The following TRPM3 variants were observed in gnomAD, a reference collection of about 807,000 sequenced individuals.
TRPM3 encodes transient receptor potential cation channel subfamily M member 3, also known as long transient receptor potential channel 3.
In TRPM3, 77 loss-of-function variants were observed where a neutral mutation model predicts 181.2. That is an observed-to-expected ratio of 0.42 (90% CI 0.35 to 0.51). The LOEUF (loss-of-function observed/expected upper bound fraction) is 0.51. Among genes scored for constraint, TRPM3 ranks in the 20% least tolerant of loss-of-function variants. The pLI, the probability that TRPM3 is intolerant of heterozygous loss-of-function variation, is 0.01. For missense variants in TRPM3, 1,759 were observed against 2,196.7 expected, an observed-to-expected ratio of 0.80 and a Z score of 3.98; for synonymous variants, 745 against 796.4, an observed-to-expected ratio of 0.94 and a Z score of 1.09.
At chr9:71,202,478 C>G (rs1331393360) in intron 1 of TRPM3, among the ~76,000 whole-genome samples, 2 of 152,120 alleles carry the variant, frequency 1.3e-5, no homozygotes, top group East Asian at 3.9e-4. Flanking sequence ...TTTAACAGGA[C>G]TTTGTTATAG....
chr9:71,287,894 T>A (rs1326439130), intron 1 of TRPM3, among the ~76,000 whole-genome samples: 1 of 152,072 alleles, frequency 6.6e-6, no homozygotes, highest in Non-Finnish European at 1.5e-5. Context: ...GAGGTAGCAA[T>A]TCTTATTAAA....
chr9:70,933,748 C>A (rs182579515), intron 1 of TRPM3, among the ~76,000 whole-genome samples: 30 of 150,210 alleles, frequency 2.0e-4, no homozygotes, highest in Admixed American at 1.7e-3. Context: ...GAAGCTGGAG[C>A]ATACTTAGAT....
At chr9:71,206,288 C>G (rs1587950863) in intron 1 of TRPM3, among the ~76,000 whole-genome samples, 1 of 152,140 alleles carries the variant, frequency 6.6e-6, no homozygotes, top group African/African-American at 2.4e-5. Context: ...GATCGCCGTT[C>G]TAACTGGTGT....
Position 71,304,740 on chromosome 9 carries a change from C to T in TRPM3, c.183+141913G>A, listed in dbSNP as rs74573495. 2.6e-5 allele frequency among the ~76,000 whole-genome samples: 4 copies of T among 152,130 alleles called. No individual in the cohort carries two copies. In the East Asian group the frequency reaches 5.8e-4, roughly 22 times the overall value. On this transcript the variant is annotated intron_variant, in intron 1 of 24. Coordinates refer to the TRPM3 transcript ENST00000357533. The stretch of plus-strand genomic sequence containing the variant: ...TGACCTACAACATTCTCTCTTGAGG[C>T]GCATTTAAATACTACAGGATACAGT...
At chr9:70,629,998 T>A in intron 12 of TRPM3, among the ~76,000 whole-genome samples, 1 of 152,196 alleles carries the variant, frequency 6.6e-6, no homozygotes, top group Admixed American at 6.5e-5. Flanking sequence ...GCAGCCTCAG[T>A]GCATGATACT....
chr9:70,962,809 G>C (rs1375699770), intron 1 of TRPM3, among the ~76,000 whole-genome samples: 1 of 152,108 alleles, frequency 6.6e-6, no homozygotes, highest in Non-Finnish European at 1.5e-5. Context: ...AGAATGGAAA[G>C]AGAAACTGCA....
chr9:70,559,652 C>T (rs753589716), intron 22 of TRPM3, among the ~76,000 whole-genome samples: 7 of 152,258 alleles, frequency 4.6e-5, no homozygotes, highest in Admixed American at 1.3e-4. Context: ...TGAAAGCACA[C>T]CAACCAACTG....
chr9:71,307,794 T>G (rs2087504518), intron 1 of TRPM3, among the ~76,000 whole-genome samples: 1 of 152,186 alleles, frequency 6.6e-6, no homozygotes, highest in African/African-American at 2.4e-5. Context: ...CTCAATCTCT[T>G]TGCAGATTAC....
At chr9:70,587,979 A>G (rs941299955) in intron 22 of TRPM3, among the ~76,000 whole-genome samples, 1 of 152,176 alleles carries the variant, frequency 6.6e-6, no homozygotes, top group Admixed American at 6.5e-5. Flanking sequence ...TTCTGCTTCC[A>G]ATCACATTCT....
At chr9:70,611,058 G>GGGAA (rs2061926151) in intron 18 of TRPM3, among the ~76,000 whole-genome samples, 1 of 152,116 alleles carries the variant, frequency 6.6e-6, no homozygotes, top group Admixed American at 6.5e-5. Flanking sequence ...AGTGTAGCCT[G>GGGAA]GGAAGGCCAG....
At position 71,319,400 on chromosome 9, in the gene TRPM3, T is replaced by C. The variant is rs79945073; in HGVS notation, c.183+127253A>G. Among the ~76,000 whole-genome samples, 546 of 152,164 alleles carry C rather than the reference T, an allele frequency of 3.6e-3. 3 individuals are homozygous for C. The highest frequency in any genetic ancestry group is 0.013 in the African/African-American group (526 of 41,526). The stretch of plus-strand genomic sequence containing the variant: ...CCAAGGGTGTAAGTCCCAATCCCAA[T>C]ATCAAGACCCAAGAGCCAGGAGCAT... On this transcript the variant is annotated intron_variant, in intron 1 of 24. Transcript: ENST00000357533.
chr9:70,692,892 T>C (rs1243754624), intron 8 of TRPM3, among the ~76,000 whole-genome samples: 1 of 152,150 alleles, frequency 6.6e-6, no homozygotes, highest in Non-Finnish European at 1.5e-5. Flanking sequence ...ACATATGACA[T>C]ATCACAGTGA....
intron 1 of TRPM3, among the ~76,000 whole-genome samples, chr9:71,412,429 A>G (rs1204873690): frequency 6.6e-6 from 1 of 152,226 alleles, no homozygotes; most frequent in Non-Finnish European, 1.5e-5. Flanking sequence ...CCTCATCAAG[A>G]AGTGGGCAAA....
intron 1 of TRPM3, among the ~76,000 whole-genome samples, chr9:71,010,424 A>C (rs187130817): frequency 1.0e-3 from 156 of 152,202 alleles, no homozygotes; most frequent in African/African-American, 3.6e-3. Flanking sequence ...AACAACAAAA[A>C]ACTCCAAATA....
At chr9:71,325,001 G>T (rs547060856) in intron 1 of TRPM3, among the ~76,000 whole-genome samples, 1 of 152,028 alleles carries the variant, frequency 6.6e-6, no homozygotes, top group Non-Finnish European at 1.5e-5. Flanking sequence ...CAAATATACG[G>T]TAAGAAGAAA....
chr9:70,586,141 T>G (rs2057096178), intron 22 of TRPM3, among the ~76,000 whole-genome samples: 1 of 152,178 alleles, frequency 6.6e-6, no homozygotes, highest in Non-Finnish European at 1.5e-5. Flanking sequence ...TAGAACTGGC[T>G]ACCTTCTTTG....
At chr9:70,599,831 TGTATGTGTGTATGA>T (rs1177640727) in intron 20 of TRPM3, among the ~76,000 whole-genome samples, 1 of 152,238 alleles carries the variant, frequency 6.6e-6, no homozygotes, top group Non-Finnish European at 1.5e-5. Flanking sequence ...AGCTTTTATA[TGTATGTGTGTATGA>T]GTATGTGTGT....
chr9:70,630,162 C>T (rs890139721), intron 12 of TRPM3, among the ~76,000 whole-genome samples: 2 of 152,244 alleles, frequency 1.3e-5, no homozygotes, highest in Admixed American at 6.5e-5. Flanking sequence ...GAGGAAACAG[C>T]TCTGGGTTGG....
At chr9:71,215,268 G>C (rs1383651133) in intron 1 of TRPM3, among the ~76,000 whole-genome samples, 1 of 152,158 alleles carries the variant, frequency 6.6e-6, no homozygotes, top group Non-Finnish European at 1.5e-5. Context: ...CTTATATATG[G>C]AGGAGATGTT....
Sources: gnomAD v4.1 joint callset for allele counts (sites outside exome capture counted in the v4.1 genomes callset) on GRCh38, gnomAD v4.1.1 for gene constraint, MANE v1.5 for transcripts, NCBI Gene and HGNC (gene_info 2026-07-23, HGNC 2026-07-21) for gene names.